TTLL9: variants seen among roughly 807,000 people sequenced by gnomAD.
TTLL9 encodes tubulin tyrosine ligase like 9.
In TTLL9, 47 loss-of-function variants were observed where a neutral mutation model predicts 65.6. The observed-to-expected ratio is 0.72, with a 90% CI of 0.57 to 0.91. The LOEUF (loss-of-function observed/expected upper bound fraction) is 0.91, where lower values mean the gene tolerates loss of function less well. Among genes scored for constraint, TTLL9 ranks in the 40% least tolerant of loss-of-function variants. TTLL9 has a pLI of 0.00. For synonymous variants in TTLL9, 179 were observed against 204.8 expected, an observed-to-expected ratio of 0.87 and a Z score of 1.07; for missense variants, 537 against 568.8, an observed-to-expected ratio of 0.94 and a Z score of 0.57.
intron 4 of TTLL9, among the ~76,000 whole-genome samples, chr20:31,900,040 G>C (rs1036542098): frequency 1.3e-5 from 2 of 152,194 alleles, no homozygotes; most frequent in African/African-American, 4.8e-5. Flanking sequence ...GATTACAGGC[G>C]TGAGCCACTG....
At chr20:31,889,574 C>A (rs958879909) in intron 3 of TTLL9, among the ~76,000 whole-genome samples, 3 of 152,102 alleles carry the variant, frequency 2.0e-5, no homozygotes, top group South Asian at 4.2e-4. Flanking sequence ...AGGCACCCAT[C>A]ACCACACCTG....
intron 2 of TTLL9, chr20:31,879,759 A>T: frequency 6.7e-7 from 1 of 1,503,336 alleles, no homozygotes; most frequent in South Asian, 1.2e-5. Flanking sequence ...CGCCGAGAGC[A>T]TGCCCTTGGC....
At chr20:31,890,154 C>CCTTCTTTCTTTCTTTCT (rs2063281123) in intron 3 of TTLL9, among the ~76,000 whole-genome samples, 1 of 13,576 alleles carries the variant, frequency 7.4e-5, no homozygotes, top group Non-Finnish European at 1.3e-4. Flanking sequence ...TCCTTCCTTC[C>CCTTCTTTCTTTCTTTCT]TTCTTTCTTT....
intron 8 of TTLL9, among the ~76,000 whole-genome samples, chr20:31,923,918 T>C (rs1181251998): frequency 6.6e-6 from 1 of 151,910 alleles, no homozygotes; most frequent in African/African-American, 2.4e-5. Flanking sequence ...ACCTTGCCCC[T>C]GAACCCCAGA....
intron 7 of TTLL9, among the ~76,000 whole-genome samples, chr20:31,921,856 G>A (rs2063820583): frequency 6.6e-6 from 1 of 152,114 alleles, no homozygotes; most frequent in African/African-American, 2.4e-5. Flanking sequence ...ATAGCATTAG[G>A]AGATACACCT....
In TTLL9 at chr20:31,879,929, C is replaced by A. The variant is rs1214187559; in HGVS notation, c.70-7267C>A. On this transcript the variant is annotated intron_variant, in intron 2 of 14. Transcript: ENST00000535842. Reference sequence around the variant, plus strand: ...GTCGACCTGACCCAGATGCTTTTATCGTCCCTAGAAAAAGGGAGGAAAGCA... The same window carrying A: ...GTCGACCTGACCCAGATGCTTTTATAGTCCCTAGAAAAAGGGAGGAAAGCA... 3.9e-6 allele frequency: 6 copies of A among 1,533,882 alleles called. No homozygotes were observed. In the Admixed American group the frequency reaches 8.0e-5, roughly 20 times the overall value.
intron 1 of TTLL9, 25 bp from the exon 2 acceptor site, chr20:31,871,097 T>C: frequency 6.2e-7 from 1 of 1,610,590 alleles, no homozygotes; most frequent in Non-Finnish European, 8.5e-7. Context: ...TCTCACTCCT[T>C]CCTTCCATCC....
At chr20:31,887,898 C>CTTCTCTTCTCTTCTCTTCTCTTCTT in intron 3 of TTLL9, among the ~76,000 whole-genome samples, 1 of 149,846 alleles carries the variant, frequency 6.7e-6, no homozygotes, top group Non-Finnish European at 1.5e-5. Context: ...CTTCTCTTCT[C>CTTCTCTTCTCTTCTCTTCTCTTCTT]TTCTCTTTTG....
rs145344738 is a variant in TTLL9, at chr20:31,909,005, G to A, written c.318+303G>A. Among the ~76,000 whole-genome samples the A allele has an allele frequency of 1.1e-4, 17 of 152,148 alleles. No individual in the cohort carries two copies. The Middle Eastern group carries it at 0.01, about 91-fold the overall frequency. On this transcript the variant is annotated intron_variant, in intron 5 of 14. Transcript: ENST00000535842. Reference sequence around the variant, plus strand: ...TGAATGATTATGGTGATTTCAGGGTGGAGGCAAGTTGAGAAGTTTGGGGTC... The same window carrying A: ...TGAATGATTATGGTGATTTCAGGGTAGAGGCAAGTTGAGAAGTTTGGGGTC...
chr20:31,912,599 G>A (rs2063672578), intron 6 of TTLL9, among the ~76,000 whole-genome samples: 1 of 117,278 alleles, frequency 8.5e-6, no homozygotes, highest in African/African-American at 4.0e-5. Context: ...GTGCGTGTAT[G>A]TGTATGTGTG....
chr20:31,906,987 C>T (rs940044016), intron 4 of TTLL9, among the ~76,000 whole-genome samples: 4 of 152,130 alleles, frequency 2.6e-5, no homozygotes, highest in Admixed American at 2.6e-4. Flanking sequence ...TATACTGTGG[C>T]GTGTTCACCC....
At chr20:31,916,550 T>G (rs886283877) in intron 6 of TTLL9, among the ~76,000 whole-genome samples, 13 of 152,216 alleles carry the variant, frequency 8.5e-5, no homozygotes, top group African/African-American at 3.1e-4. Flanking sequence ...AAAGGCATTT[T>G]GTTATCTCAC....
chr20:31,871,313 C>A, intron 2 of TTLL9, 118 bp downstream of exon 2: 1 of 1,029,226 alleles, frequency 9.7e-7, no homozygotes, highest in Non-Finnish European at 1.5e-6. Flanking sequence ...GGTTTGAGGC[C>A]CTGTTCACCT....
At chr20:31,912,811 C>T (rs1172736708) in intron 6 of TTLL9, among the ~76,000 whole-genome samples, 1 of 152,034 alleles carries the variant, frequency 6.6e-6, no homozygotes, top group Non-Finnish European at 1.5e-5. Context: ...CTCTTAAGCC[C>T]TCAACTGATT....
Position 31,939,123 on chromosome 20 carries a change from G to T in TTLL9, c.1119-19G>T, listed in dbSNP as rs570239000. The T allele has an allele frequency of 6.4e-7, 1 of 1,558,482 alleles. No individual in the cohort carries two copies. Among genetic ancestry groups the T allele is most frequent in the Non-Finnish European group, 8.7e-7 (1 of 1,152,766 alleles). The stretch of plus-strand genomic sequence containing the variant: ...CCAGGTGCACCTTCATTAACCCTGT[G>T]GGCCTCCTTCCTGTCCAGGCTCACG... On this transcript the variant is annotated intron_variant, in intron 13 of 14. Transcript: ENST00000535842.
At chr20:31,939,599 T>C (rs934170336) in intron 14 of TTLL9, 10 of 179,984 alleles carry the variant, frequency 5.6e-5, no homozygotes, top group African/African-American at 2.4e-4. Flanking sequence ...ATATTCATAC[T>C]TTTTCTTTTA....
At chr20:31,902,950 A>T (rs972022993) in intron 4 of TTLL9, among the ~76,000 whole-genome samples, 4 of 151,388 alleles carry the variant, frequency 2.6e-5, no homozygotes, top group Non-Finnish European at 4.4e-5. Context: ...TACAACCTTG[A>T]CCTCCCGCGC....
Position 31,887,247 on chromosome 20 carries a change from G to A in TTLL9, c.113+8G>A, listed in dbSNP as rs753847347. ...GTCAAAGGGAAAAGAGCGGTGAGTG[G>A]TCCCATCCAATCCAACAATCACAGC... On this transcript the variant is annotated splice_region_variant and intron_variant, in intron 3 of 14. Coordinates refer to ENST00000535842, the MANE Select transcript of TTLL9 (RefSeq NM_001008409.5). 6.2e-7 allele frequency: 1 copy of A among 1,614,084 alleles called. No individual in the cohort carries two copies. The highest frequency in any genetic ancestry group is 1.1e-5 in the South Asian group (1 of 91,072).
chr20:31,908,593 A>T lies in TTLL9; in HGVS notation c.209A>T (p.Glu70Val). ...CCCCGCCCCCACCCCACCCCCAGCGAAGGGGAGTGGGATTTCTACTGGTGT... is the reference window on the plus strand; with the variant it reads ...CCCCGCCCCCACCCCACCCCCAGCGTAGGGGAGTGGGATTTCTACTGGTGT... ...HRPGWVEVKD[E>V]GEWDFYWCDV... Residue 70 changes from glutamate (E) to valine (V), a missense_variant and splice_region_variant, in exon 5 of 15, where the codon GAA (glutamate) becomes GTA (valine). Around this residue, in one of 3 missense-constraint regions of TTLL9, gnomAD observed 320 missense variants for 311.0 expected, o/e 1.03. Coordinates refer to ENST00000535842, the MANE Select transcript of TTLL9 (RefSeq NM_001008409.5). The T allele has an allele frequency of 7.3e-7, 1 of 1,361,932 alleles. No homozygotes were observed. The highest frequency in any genetic ancestry group is 1.0e-6 in the Non-Finnish European group (1 of 964,422). 84.4% of individuals were successfully genotyped at this position (1,361,932 alleles called of 1,614,324 possible).
Sources: gnomAD v4.1 joint callset for allele counts (sites outside exome capture counted in the v4.1 genomes callset) on GRCh38, gnomAD v4.1.1 for gene constraint, gnomAD v4.1.1 regional missense constraint, MANE v1.5 for transcripts, NCBI Gene and HGNC (gene_info 2026-07-23, HGNC 2026-07-21) for gene names.